The following HIBCH variants were observed in gnomAD, a reference collection of about 807,000 sequenced individuals.
HIBCH encodes 3-hydroxyisobutyryl-CoA hydrolase, also known as 3-hydroxyisobutyryl-CoA hydrolase, mitochondrial.
HIBCH carries 50 observed loss-of-function variants against 58.2 expected under a neutral mutation model. The ratio of observed to expected loss-of-function variants is 0.86; its 90% confidence interval spans 0.68 to 1.09. The LOEUF (loss-of-function observed/expected upper bound fraction) is 1.09. Among genes scored for constraint, HIBCH ranks in the 50% least tolerant of loss-of-function variants. The probability of loss-of-function intolerance (pLI) is 0.00; values close to 1 mark genes in which losing one functional copy is unlikely to be tolerated. For missense variants in HIBCH, 450 were observed against 449.7 expected (o/e 1.00, Z -0.01); for synonymous variants, 151 against 146.9 (o/e 1.03, Z -0.20).
chr2:190,311,570 CTT>C (rs1194047590), intron 1 of HIBCH, among the ~76,000 whole-genome samples: 1 of 152,176 alleles, frequency 6.6e-6, no homozygotes, highest in Non-Finnish European at 1.5e-5. Flanking sequence ...AATCCACAGC[CTT>C]TAAAATGATC....
At chr2:190,271,765 C>G (rs538531657) in intron 6 of HIBCH, among the ~76,000 whole-genome samples, 28 of 152,258 alleles carry the variant, frequency 1.8e-4, no homozygotes, top group Admixed American at 4.6e-4. Flanking sequence ...AATTAGCTCT[C>G]CATATTGATC....
chr2:190,317,282 G>A lies in HIBCH; in HGVS notation c.35+2434C>T, dbSNP rs531469296. On this transcript the variant is annotated intron_variant, in intron 1 of 13. Transcript: ENST00000359678. ...TCTCATAACTGTACTTGTCCCTTAA[G>A]ACACTTACCAGAATTGGTAATCAAA... 2.0e-5 allele frequency among the ~76,000 whole-genome samples: 3 copies of A among 152,230 alleles called. No homozygotes were observed. In the South Asian group the frequency reaches 6.2e-4, roughly 32 times the overall value.
At chr2:190,199,025 A>G (rs967937788), downstream of HIBCH, among the ~76,000 whole-genome samples, 3 of 152,204 alleles carry the variant, frequency 2.0e-5, no homozygotes, top group African/African-American at 4.8e-5. Flanking sequence ...TATGTAACCT[A>G]TATTGTTTAG....
chr2:190,280,772 C>T (rs1468479032), intron 6 of HIBCH, among the ~76,000 whole-genome samples: 5 of 152,172 alleles, frequency 3.3e-5, no homozygotes, highest in Non-Finnish European at 5.9e-5. Flanking sequence ...AACTCAAACC[C>T]CGGAACCACG....
intron 7 of HIBCH, among the ~76,000 whole-genome samples, chr2:190,253,168 A>G (rs1332858485): frequency 6.6e-6 from 1 of 152,202 alleles, no homozygotes; most frequent in Non-Finnish European, 1.5e-5. Flanking sequence ...TGGGCAACAG[A>G]GCAAGACTCC....
At chr2:190,302,010 A>G (rs1417059819) in intron 2 of HIBCH, among the ~76,000 whole-genome samples, 2 of 152,254 alleles carry the variant, frequency 1.3e-5, no homozygotes, top group African/African-American at 4.8e-5. Context: ...CCATAGCATG[A>G]GCTATCTTTT....
rs573863346 is a variant in HIBCH at position 190,264,018 on chromosome 2, G to A, written c.439-2784C>T. ...TGAAGCCTTTATCCTCTCTTGCCCA[G>A]GCTGGTGTATCTTGCTTCTATTCTT... On this transcript the variant is annotated intron_variant, in intron 6 of 13. Transcript: ENST00000359678. Among the ~76,000 whole-genome samples, 3 of 152,248 alleles carry A rather than the reference G, an allele frequency of 2.0e-5. No homozygotes were observed. In the South Asian group the frequency reaches 6.2e-4, roughly 32 times the overall value.
chr2:190,205,828 T>G (rs115098944), intron 13 of HIBCH, among the ~76,000 whole-genome samples: 2 of 152,132 alleles, frequency 1.3e-5, no homozygotes, highest in Non-Finnish European at 2.9e-5. Flanking sequence ...CATAGCCACA[T>G]AGTATCCCCA....
rs1688395492 is a variant in HIBCH, at chr2:190,306,031, G to A, written c.78+4723C>T. On this transcript the variant is annotated intron_variant, in intron 2 of 13. Coordinates refer to ENST00000359678, the MANE Select transcript of HIBCH (RefSeq NM_014362.4). This position sits in a 1 kb window ranked among gnomAD's most constrained non-coding sequence, Gnocchi z 4.6. ...CATACCTTATTCTGCACCTCCCACT[G>A]TTAATTCAGCAACTTGCCATGGTCA... Among the ~76,000 whole-genome samples, 1 of 152,104 alleles carries A rather than the reference G, an allele frequency of 6.6e-6. No homozygotes were observed. The highest frequency in any genetic ancestry group is 2.4e-5 in the African/African-American group (1 of 41,422).
At chr2:190,280,383 A>G (rs1175941354) in intron 6 of HIBCH, among the ~76,000 whole-genome samples, 1 of 151,986 alleles carries the variant, frequency 6.6e-6, no homozygotes, top group Non-Finnish European at 1.5e-5. Context: ...GCTCCCCCAC[A>G]CCCAGAATGT....
chr2:190,277,947 T>C (rs917829739), intron 6 of HIBCH, among the ~76,000 whole-genome samples: 2 of 152,216 alleles, frequency 1.3e-5, no homozygotes, highest in Non-Finnish European at 2.9e-5. Flanking sequence ...GTTAAATTTG[T>C]ATGAAGATTT....
rs1336556880 is a variant in HIBCH, at chr2:190,204,813, C to T, written c.*304G>A. 5 of 278,482 alleles carry T rather than the reference C, an allele frequency of 1.8e-5. No individual in the cohort carries two copies. Among genetic ancestry groups the T allele is most frequent in the African/African-American group, 1.1e-4 (5 of 44,870 alleles). 17.3% of individuals were successfully genotyped at this position (278,482 alleles called of 1,614,324 possible). ...TTGACAAACTTTTTTCTGACAAAAA[C>T]CAGACAGTAAATAATTAGGCTTTGT... is the stretch of plus-strand genomic sequence containing the variant. On this transcript the variant is annotated 3_prime_UTR_variant, in exon 14 of 14. Coordinates refer to ENST00000359678, the MANE Select transcript of HIBCH (RefSeq NM_014362.4).
At chr2:190,227,371 A>G (rs1307490342) in intron 11 of HIBCH, among the ~76,000 whole-genome samples, 1 of 152,208 alleles carries the variant, frequency 6.6e-6, no homozygotes, top group Non-Finnish European at 1.5e-5. Context: ...AGCCATATGT[A>G]GAAAGCTGAA....
At chr2:190,313,834 T>C (rs1688621263) in intron 1 of HIBCH, among the ~76,000 whole-genome samples, 1 of 152,102 alleles carries the variant, frequency 6.6e-6, no homozygotes, top group African/African-American at 2.4e-5. Context: ...TTTATAATTA[T>C]GAAACTGAAG....
chr2:190,253,479 C>T (rs936519736), intron 7 of HIBCH, among the ~76,000 whole-genome samples: 2 of 152,066 alleles, frequency 1.3e-5, no homozygotes, highest in African/African-American at 4.8e-5. Flanking sequence ...AAACTCATAA[C>T]CTCCCCGCGC....
chr2:190,257,847 G>A (rs1487631590), intron 7 of HIBCH, among the ~76,000 whole-genome samples: 3 of 152,140 alleles, frequency 2.0e-5, no homozygotes, highest in Non-Finnish European at 4.4e-5. Flanking sequence ...AACTGGAAGA[G>A]CCCCCATGAA....
At chr2:190,293,175 C>T (rs1165625572) in intron 4 of HIBCH, among the ~76,000 whole-genome samples, 1 of 150,128 alleles carries the variant, frequency 6.7e-6, no homozygotes, top group Non-Finnish European at 1.5e-5. Flanking sequence ...TAATTCAAGG[C>T]TGAAAAACAG....
intron 6 of HIBCH, among the ~76,000 whole-genome samples, chr2:190,277,260 C>G (rs549232042): frequency 5.9e-5 from 9 of 152,216 alleles, no homozygotes; most frequent in Admixed American, 2.6e-4. Flanking sequence ...TTTCAAAATA[C>G]TGAGTAAATG....
In HIBCH at chr2:190,228,366, A is replaced by C. The variant is rs537462373; in HGVS notation, c.892-15291T>G. Among the ~76,000 whole-genome samples the C allele has an allele frequency of 1.5e-4, 20 of 137,716 alleles. No homozygotes were observed. The South Asian group carries it at 4.0e-3, about 28-fold the overall frequency. The allele number at this position is 137,716 out of a possible 152,430, so 90.3% of individuals were successfully genotyped here. Reference sequence around the variant, plus strand: ...AATTGAACAATGAGAACATTTGGACACAGAGCGGGGAACACCACACACCAG... The same window carrying C: ...AATTGAACAATGAGAACATTTGGACCCAGAGCGGGGAACACCACACACCAG... On this transcript the variant is annotated intron_variant, in intron 11 of 13. Coordinates refer to ENST00000359678, the MANE Select transcript of HIBCH (RefSeq NM_014362.4).
Sources: gnomAD v4.1 joint callset for allele counts (sites outside exome capture counted in the v4.1 genomes callset) on GRCh38, gnomAD v4.1.1 for gene constraint, Gnocchi (gnomAD v3.1) non-coding constraint, MANE v1.5 for transcripts, NCBI Gene and HGNC (gene_info 2026-07-23, HGNC 2026-07-21) for gene names.